Variants in MUC22 observed in about 807,000 individuals in gnomAD.
MUC22 encodes mucin 22, also known as mucin-22.
MUC22 carries 24 observed loss-of-function variants against 40.3 expected under a neutral mutation model. That is an observed-to-expected ratio of 0.60 (90% confidence interval 0.43 to 0.84). The LOEUF (loss-of-function observed/expected upper bound fraction) is 0.84. Ranked by LOEUF, MUC22 falls within the 40% of genes least tolerant of loss-of-function variation. The pLI is 0.00. For missense variants in MUC22, 1,926 were observed against 2,130.7 expected (o/e 0.90, Z 1.89); for synonymous variants, 765 against 844.5 (o/e 0.91, Z 1.63).
At chr6:31,017,105 G>C (rs1017086512) in intron 1 of MUC22, among the ~76,000 whole-genome samples, 1 of 152,238 alleles carries the variant, frequency 6.6e-6, no homozygotes, top group Non-Finnish European at 1.5e-5. Flanking sequence ...CTCCTGTGCA[G>C]CCAGAACCTC....
At chr6:31,006,272 C>A (rs551549676), upstream of MUC22, 16 of 233,050 alleles carry the variant, frequency 6.9e-5, no homozygotes, top group Admixed American at 5.0e-4. Flanking sequence ...ATTTTTTAGA[C>A]GTTTATAAAC....
In MUC22 at chr6:31,026,367, T is replaced by G; in HGVS notation, c.936T>G (p.Ile312Met). The stretch of plus-strand genomic sequence containing the variant: ...GCTCTCAGACCACCATAGTCTCTAT[T>G]TCAGGTTCTGAGATCACCACCACCT... Residue 312 changes from isoleucine to methionine, a missense_variant, in exon 2 of 4, where the codon ATT becomes ATG. Physicochemically the swap from Ile to Met is conservative, Grantham distance 10. Coordinates refer to ENST00000561890, the Ensembl canonical transcript of MUC22. 3.3e-6 allele frequency: 5 copies of G among 1,505,754 alleles called. 1 individual carries two copies. Among genetic ancestry groups the G allele is most frequent in the Non-Finnish European group, 4.4e-6 (5 of 1,128,270 alleles). The allele number at this position is 1,505,754 out of a possible 1,614,324, so 93.3% of individuals were successfully genotyped here. A position where few individuals can be genotyped will look rare whatever the true frequency, so the allele number is the denominator to read the frequency against.
intron 1 of MUC22, among the ~76,000 whole-genome samples, chr6:31,021,970 A>T (rs35768964): frequency 0.059 from 8,935 of 151,728 alleles, 360 homozygotes; most frequent in East Asian, 0.12. Context: ...CTGCAGCTTC[A>T]CTCCTGAAGC....
chr6:31,026,071 GA>G lies in MUC22; in HGVS notation c.643del (p.Thr215ProfsTer33). 1 of 1,530,792 alleles carries G rather than the reference GA, an allele frequency of 6.5e-7. No individual in the cohort carries two copies. Among genetic ancestry groups the G allele is most frequent in the Non-Finnish European group, 8.7e-7 (1 of 1,143,018 alleles). 94.8% of individuals were successfully genotyped at this position (1,530,792 alleles called of 1,614,324 possible). ...CACTAAAGTCTCTACCACAGGCTCT[GA>G]AACCACCACAGCATCTACTGCAGGT... is the stretch of plus-strand genomic sequence containing the variant. On this transcript the variant is annotated frameshift_variant, in exon 2 of 4. Transcript: ENST00000561890. LOFTEE classifies it high-confidence loss of function.
chr6:31,016,024 T>C (rs1386330812), intron 1 of MUC22, among the ~76,000 whole-genome samples: 1 of 152,078 alleles, frequency 6.6e-6, no homozygotes, highest in African/African-American at 2.4e-5. Flanking sequence ...TCTGGGGAGA[T>C]TTCCTCAGCT....
At position 31,034,395 on chromosome 6, in the gene MUC22, A is replaced by G. The variant is rs1441758428; in HGVS notation, c.5056-277A>G. The stretch of plus-strand genomic sequence containing the variant: ...TTGTCTTGGAAGTCCAAAAACACAT[A>G]ACCTTATGATCTGCAGAGCTAGGGC... On this transcript the variant is annotated intron_variant, in intron 3 of 3. Transcript: ENST00000561890. Among the ~76,000 whole-genome samples, 5 of 152,240 alleles carry G rather than the reference A, an allele frequency of 3.3e-5. No individual in the cohort carries two copies. In the East Asian group the frequency reaches 5.8e-4, roughly 18 times the overall value.
rs1404605200 is a variant in MUC22, at chr6:31,027,704, C to A, written c.2273C>A (p.Ala758Asp). 2.0e-6 allele frequency: 3 copies of A among 1,532,522 alleles called. No individual in the cohort carries two copies. The highest frequency in any genetic ancestry group is 2.4e-5 in the South Asian group (2 of 83,772). The allele number at this position is 1,532,522 out of a possible 1,614,324, so 94.9% of individuals were successfully genotyped here. ...ACCATAGGCTCTGACACCACCACAG[C>A]CTCTACTGAAGGCTCTGAGACCACT... is the stretch of plus-strand genomic sequence containing the variant. The change falls in exon 2 of 4, where the codon GCC becomes GAC. Residue 758 changes from alanine (A) to aspartate (D), a missense_variant. Physicochemically the swap from Ala to Asp is moderately radical, Grantham distance 126. This residue lies in a region of MUC22 where 1,281 missense variants were observed against 1,337.8 expected (regional missense o/e 0.96). Transcript: ENST00000561890.
At chr6:31,022,208 T>C (rs947740407) in intron 1 of MUC22, among the ~76,000 whole-genome samples, 7 of 152,200 alleles carry the variant, frequency 4.6e-5, no homozygotes, top group African/African-American at 1.7e-4. Context: ...GGCTTCATTC[T>C]TGAAGTCAGT....
At chr6:31,030,249 G>A in intron 2 of MUC22, 149 bp downstream of exon 2, 1 of 940,042 alleles carries the variant, frequency 1.1e-6, no homozygotes, top group Non-Finnish European at 1.5e-6. Flanking sequence ...TGGGCGCGGT[G>A]GCTCATGCCT....
chr6:31,006,467 G>A (rs1165031981), upstream of MUC22, among the ~76,000 whole-genome samples: 1 of 152,140 alleles, frequency 6.6e-6, no homozygotes, highest in Non-Finnish European at 1.5e-5. Context: ...CTTAGGGCGT[G>A]AAACTACTGT....
chr6:31,032,351 A>T lies in MUC22; in HGVS notation c.4825A>T (p.Thr1609Ser). Residue 1609 changes from threonine (T) to serine (S), a missense_variant, in exon 3 of 4, where the codon ACC (threonine) becomes TCC (serine). Thr to Ser is a moderately conservative substitution (Grantham distance 58). This residue lies in a region of MUC22 where 610 missense variants were observed against 714.6 expected (regional missense o/e 0.85). Transcript: ENST00000561890. This position sits in a 1 kb window ranked among gnomAD's most constrained non-coding sequence, Gnocchi z 4.1. Reference sequence around the variant, plus strand: ...ATCCACTATGGGAGCATCATCTACCACCTCAGCCCACGGCGTCAGGACCAC... The same window carrying T: ...ATCCACTATGGGAGCATCATCTACCTCCTCAGCCCACGGCGTCAGGACCAC... 6.5e-7 allele frequency: 1 copy of T among 1,535,418 alleles called. No individual in the cohort carries two copies. The highest frequency in any genetic ancestry group is 1.7e-4 in the Middle Eastern group (1 of 5,990).
At chr6:31,030,156 C>T in intron 2 of MUC22, 56 bp downstream of exon 2, 2 of 1,448,014 alleles carry the variant, frequency 1.4e-6, no homozygotes, top group East Asian at 2.5e-5. Flanking sequence ...GTGGCAACCA[C>T]CAGCTGTTCA....
At chr6:31,033,261 GAGAA>G (rs143108393) in intron 3 of MUC22, among the ~76,000 whole-genome samples, 31,687 of 150,688 alleles carry the variant, frequency 0.21, 3,379 homozygotes, top group Admixed American at 0.27. Context: ...AAGCAAGAAA[GAGAA>G]AGAAAGGAAG....
rs1245582786 is a variant in MUC22 at position 31,029,167 on chromosome 6, AC to A, written c.3738del (p.Thr1247GlnfsTer149). The A allele has an allele frequency of 2.0e-6, 3 of 1,535,104 alleles. No individual in the cohort carries two copies. Among genetic ancestry groups the A allele is most frequent in the Non-Finnish European group, 2.6e-6 (3 of 1,146,792 alleles). On this transcript the variant is annotated frameshift_variant, in exon 2 of 4. Coordinates refer to ENST00000561890, the Ensembl canonical transcript of MUC22. LOFTEE classifies it high-confidence loss of function. ...AGTCTCTACTGCAGGCTCTGAGACC[AC>A]CACAGCCTCTATTGAAGGCTCTGAG...
At chr6:31,031,028 C>A (rs1468197973) in intron 2 of MUC22, among the ~76,000 whole-genome samples, 1 of 152,196 alleles carries the variant, frequency 6.6e-6, no homozygotes, top group Non-Finnish European at 1.5e-5. Context: ...TGAGACCAAA[C>A]AATTTTGTTC....
Position 31,028,079 on chromosome 6 carries a change from C to T in MUC22, c.2648C>T (p.Ser883Phe), listed in dbSNP as rs1765603658. 1 of 1,534,980 alleles carries T rather than the reference C, an allele frequency of 6.5e-7. No individual in the cohort carries two copies. The highest frequency in any genetic ancestry group is 1.4e-5 in the African/African-American group (1 of 72,956). ...ACCACCACAGCCTCTACTACAAGCT[C>T]TGAGACCACCACAGCCTCTACTGAA... The change falls in exon 2 of 4, where the codon TCT (serine) becomes TTT (phenylalanine). Residue 883 changes from serine (S) to phenylalanine (F), a missense_variant. This residue lies in a region of MUC22 where 1,281 missense variants were observed against 1,337.8 expected (regional missense o/e 0.96). Coordinates refer to ENST00000561890, the Ensembl canonical transcript of MUC22.
exon 4 of MUC22, chr6:31,035,028 A>G (rs1217622791): frequency 2.2e-6 from 3 of 1,338,292 alleles, no homozygotes; most frequent in Non-Finnish European, 2.0e-6. Flanking sequence ...ATCAAAACAT[A>G]TTATGGGTGG....
At chr6:31,008,749 G>A (rs1160738838), upstream of MUC22, among the ~76,000 whole-genome samples, 1 of 151,970 alleles carries the variant, frequency 6.6e-6, no homozygotes, top group Non-Finnish European at 1.5e-5. Flanking sequence ...TAGAGATGGG[G>A]TTTCACCATG....
chr6:31,022,129 T>C (rs9262533), intron 1 of MUC22, among the ~76,000 whole-genome samples: 58,011 of 151,678 alleles, frequency 0.38, 11,303 homozygotes, highest in East Asian at 0.46. Context: ...CGAACACATC[T>C]GAACATCAGA....
Sources: gnomAD v4.1 joint callset for allele counts (sites outside exome capture counted in the v4.1 genomes callset) on GRCh38, gnomAD v4.1.1 for gene constraint, gnomAD v4.1.1 regional missense constraint, Gnocchi (gnomAD v3.1) non-coding constraint, MANE v1.5 for transcripts, NCBI Gene and HGNC (gene_info 2026-07-23, HGNC 2026-07-21) for gene names.